TNN: variants seen among roughly 807,000 people sequenced by gnomAD.
The protein encoded by TNN is tenascin N.
Under a neutral mutation model 134.4 loss-of-function variants are expected in TNN, and 122 were observed. The ratio of observed to expected loss-of-function variants is 0.91; its 90% confidence interval spans 0.78 to 1.06. The LOEUF is 1.06. Ranked by LOEUF, TNN falls within the 50% of genes least tolerant of loss-of-function variation. The pLI is 0.00. For missense variants in TNN, 1,739 were observed against 1,699.4 expected (o/e 1.02, Z -0.41); for synonymous variants, 710 against 670.3 (o/e 1.06, Z -0.91).
chr1:175,089,201 G>A lies in TNN; in HGVS notation c.1324+3707G>A, dbSNP rs1255810798. ...AGAAGAATCTCTGTTTTCTCCAAACGTTTTGCATCCCACCAGGTGGAAAAG... is the reference window on the plus strand; with the variant it reads ...AGAAGAATCTCTGTTTTCTCCAAACATTTTGCATCCCACCAGGTGGAAAAG... On this transcript the variant is annotated intron_variant, in intron 6 of 18. Transcript: ENST00000239462. Among the ~76,000 whole-genome samples the A allele has an allele frequency of 2.0e-5, 3 of 152,232 alleles. No individual in the cohort carries two copies. In the East Asian group the frequency reaches 5.8e-4, roughly 29 times the overall value.
chr1:175,075,129 C>T (rs887823076), intron 1 of TNN, among the ~76,000 whole-genome samples: 4 of 152,200 alleles, frequency 2.6e-5, no homozygotes, highest in African/African-American at 9.7e-5. Context: ...TCTTCTTCTT[C>T]TTTTATTCTT....
chr1:175,131,958 C>T (rs1057013465), intron 15 of TNN, among the ~76,000 whole-genome samples: 3 of 74,328 alleles, frequency 4.0e-5, no homozygotes, highest in East Asian at 5.7e-4. Context: ...ACACACACAT[C>T]GCTGGAAAGC....
At chr1:175,119,629 C>CTTTTTTTTT (rs757564360) in intron 11 of TNN, among the ~76,000 whole-genome samples, 6 of 133,542 alleles carry the variant, frequency 4.5e-5, no homozygotes, top group East Asian at 4.6e-4. Context: ...CCATGAATGC[C>CTTTTTTTTT]TTTTTTTTCT....
At chr1:175,075,987 T>C (rs1250334504) in intron 1 of TNN, among the ~76,000 whole-genome samples, 5 of 152,220 alleles carry the variant, frequency 3.3e-5, no homozygotes, top group Non-Finnish European at 4.4e-5. Flanking sequence ...AGAAACCCAT[T>C]GTCAAGAGAC....
chr1:175,135,458 A>G (rs974211849), intron 15 of TNN, among the ~76,000 whole-genome samples: 3 of 152,226 alleles, frequency 2.0e-5, no homozygotes, highest in African/African-American at 7.2e-5. Context: ...GGGAAAAAAG[A>G]TGCCATAAAC....
chr1:175,098,736 A>G (rs1674641556), intron 9 of TNN, 141 bp downstream of exon 9: 1 of 1,223,580 alleles, frequency 8.2e-7, no homozygotes, highest in African/African-American at 1.5e-5. Context: ...TGTCCCCCTC[A>G]CTTCCTTTTA....
chr1:175,077,481 G>A lies in TNN; in HGVS notation c.63G>A (p.Val21=), dbSNP rs1674069973. ...TCCTGCTTGGCTCTGTGCTCCTGGT[G>A]GCTTCGGCCCCAGCCACTCTGGAGC... ...MGLLLGSVLL[V]ASAPATLEPP... The change falls in exon 2 of 19, where the codon GTG becomes GTA. Residue 21 remains valine, a synonymous_variant. Transcript: ENST00000239462. 2.5e-6 allele frequency: 4 copies of A among 1,613,886 alleles called. No homozygotes were observed. The Admixed American group carries it at 6.7e-5, about 27-fold the overall frequency.
intron 9 of TNN, 60 bp from the exon 10 acceptor site, chr1:175,116,879 C>A: frequency 6.2e-7 from 1 of 1,610,564 alleles, no homozygotes; most frequent in Non-Finnish European, 8.5e-7. Context: ...GTAAAATGCC[C>A]AGATCTCACT....
chr1:175,141,055 G>T (rs10912896), intron 17 of TNN, among the ~76,000 whole-genome samples: 211 of 152,264 alleles, frequency 1.4e-3, no homozygotes, highest in African/African-American at 4.9e-3. Flanking sequence ...GTGGCTTAAG[G>T]CTTGCTCCCC....
intron 4 of TNN, 48 bp downstream of exon 4, chr1:175,080,474 CTAA>C: frequency 6.2e-7 from 1 of 1,604,990 alleles, no homozygotes; most frequent in Non-Finnish European, 8.5e-7. Flanking sequence ...AGGCCCCATT[CTAA>C]ATGGTTTCTT....
chr1:175,093,851 C>A, intron 6 of TNN, 139 bp from the exon 7 acceptor site: 3 of 799,332 alleles, frequency 3.8e-6, no homozygotes, highest in Non-Finnish European at 3.9e-6. Context: ...GTCCACTTGT[C>A]ACTGATGATG....
chr1:175,123,910 G>T (rs993552234), intron 12 of TNN, among the ~76,000 whole-genome samples: 5 of 152,104 alleles, frequency 3.3e-5, no homozygotes, highest in African/African-American at 1.2e-4. Context: ...CCGGCCCAGC[G>T]CTCAGAATCT....
intron 12 of TNN, among the ~76,000 whole-genome samples, chr1:175,125,893 CTT>C (rs1242267011): frequency 8.2e-6 from 1 of 121,686 alleles, no homozygotes; most frequent in Non-Finnish European, 1.7e-5. Context: ...TTTTTTCTTT[CTT>C]TCTCTCTCCC....
At position 175,118,960 on chromosome 1, in the gene TNN, A is replaced by G. The variant is rs1052848258; in HGVS notation, c.2650+136A>G. On this transcript the variant is annotated intron_variant, in intron 11 of 18. Transcript: ENST00000239462. ...TGTTTTAGGAGAGTTTGCTGTAAAA[A>G]CAAAACAAAACAAAAACAAAAAACA... The G allele has an allele frequency of 1.5e-4, 180 of 1,193,422 alleles. 1 individual carries two copies. The highest frequency in any genetic ancestry group is 2.0e-4 in the Middle Eastern group (1 of 4,922). The allele number at this position is 1,193,422 out of a possible 1,614,324, so 73.9% of individuals were successfully genotyped here.
intron 14 of TNN, among the ~76,000 whole-genome samples, chr1:175,128,377 G>T (rs1675584913): frequency 6.6e-6 from 1 of 152,232 alleles, no homozygotes; most frequent in Non-Finnish European, 1.5e-5. Context: ...TTGTGAGGGA[G>T]CTGAGTTGGG....
At chr1:175,095,533 G>A (rs995511058) in intron 7 of TNN, among the ~76,000 whole-genome samples, 14 of 152,150 alleles carry the variant, frequency 9.2e-5, no homozygotes, top group African/African-American at 2.9e-4. Flanking sequence ...TTTGAGTGTC[G>A]TGAAAAGAAA....
At position 175,105,580 on chromosome 1, in the gene TNN, G is replaced by A. The variant is rs567211378; in HGVS notation, c.2119+6985G>A. ...GGACATAAGGTATTTCACTCCATTT[G>A]CCTTCCCTCTTACAGAAAAGATCAA... is the stretch of plus-strand genomic sequence containing the variant. On this transcript the variant is annotated intron_variant, in intron 9 of 18. Coordinates refer to ENST00000239462, the MANE Select transcript of TNN (RefSeq NM_022093.2). 1.2e-3 allele frequency among the ~76,000 whole-genome samples: 170 copies of A among 145,640 alleles called. 9 individuals carry two copies. The highest frequency in any genetic ancestry group is 4.0e-3 in the African/African-American group (162 of 40,440).
In TNN at chr1:175,117,178, A is replaced by C. The variant is rs1452758446; in HGVS notation, c.2359A>C (p.Lys787Gln). The change falls in exon 10 of 19, where the codon AAG becomes CAG. Residue 787 changes from lysine to glutamine, a missense_variant. Lys to Gln is a moderately conservative substitution (Grantham distance 53, BLOSUM62 1). Transcript: ENST00000239462. ...VWAQKGAQESKKADTKAQTDI... is the reference protein window; with the variant it reads ...VWAQKGAQESQKADTKAQTDI... ...GGCCCAGAAGGGGGCCCAGGAGAGC[A>C]AGAAGGCTGACACCAAGGCCCAGAC... 1 of 1,614,130 alleles carries C rather than the reference A, an allele frequency of 6.2e-7. No individual in the cohort carries two copies. The highest frequency in any genetic ancestry group is 8.5e-7 in the Non-Finnish European group (1 of 1,180,046).
intron 12 of TNN, among the ~76,000 whole-genome samples, chr1:175,125,787 T>TTCTC (rs1304188239): frequency 6.9e-6 from 1 of 145,920 alleles, no homozygotes; most frequent in African/African-American, 2.6e-5. Context: ...CTCTCTTCTT[T>TTCTC]TCTCTCTCTC....
Sources: gnomAD v4.1 joint callset for allele counts (sites outside exome capture counted in the v4.1 genomes callset) on GRCh38, gnomAD v4.1.1 for gene constraint, MANE v1.5 for transcripts, NCBI Gene and HGNC (gene_info 2026-07-23, HGNC 2026-07-21) for gene names.